The following AAK1 variants were observed in gnomAD, a reference collection of about 807,000 sequenced individuals.
AAK1 encodes the protein AP2-associated protein kinase 1.
AAK1 carries 37 observed loss-of-function variants against 116.0 expected under a neutral mutation model. The observed-to-expected ratio is 0.32, with a 90% CI of 0.25 to 0.42. The LOEUF (loss-of-function observed/expected upper bound fraction) is 0.42. AAK1 is among the 10% of genes least tolerant of loss of function. The pLI, the probability that AAK1 is intolerant of heterozygous loss-of-function variation, is 1.00. For missense variants in AAK1, 919 were observed against 1,170.6 expected, an observed-to-expected ratio of 0.79 and a Z score of 3.14; for synonymous variants, 458 against 439.9, an observed-to-expected ratio of 1.04 and a Z score of -0.51.
At chr2:69,522,143 T>C (rs891659024) in intron 10 of AAK1, among the ~76,000 whole-genome samples, 20 of 152,348 alleles carry the variant, frequency 1.3e-4, no homozygotes, top group Non-Finnish European at 1.9e-4. Context: ...AGCTAGCTAC[T>C]ACCTAACTCA....
At chr2:69,633,976 C>A (rs1675335573) in intron 2 of AAK1, among the ~76,000 whole-genome samples, 1 of 152,144 alleles carries the variant, frequency 6.6e-6, no homozygotes, top group South Asian at 2.1e-4. Flanking sequence ...TCAAGACCAG[C>A]CTGGCTAACA....
At chr2:69,606,475 A>G (rs1016231466) in intron 2 of AAK1, among the ~76,000 whole-genome samples, 16 of 152,208 alleles carry the variant, frequency 1.1e-4, no homozygotes, top group African/African-American at 3.9e-4. Context: ...CTGAGGATAC[A>G]CACAGCAACT....
In AAK1 at chr2:69,510,135, T is replaced by C. The variant is rs919935561; in HGVS notation, c.1777-675A>G. 5.3e-5 allele frequency among the ~76,000 whole-genome samples: 8 copies of C among 152,316 alleles called. No homozygotes were observed. The East Asian group carries it at 1.5e-3, about 29-fold the overall frequency. On this transcript the variant is annotated intron_variant, in intron 13 of 21. Coordinates refer to ENST00000409085, the MANE Select transcript of AAK1 (RefSeq NM_014911.5). ...TCACGGGGGTTTGTTGTACAGATTATTTTGTCACCAAGGTACTAAGCCTAG... is the reference window on the plus strand; with the variant it reads ...TCACGGGGGTTTGTTGTACAGATTACTTTGTCACCAAGGTACTAAGCCTAG...
chr2:69,518,966 G>A lies in AAK1; in HGVS notation c.1485C>T (p.Ala495=), dbSNP rs1676706012. ...CTGACCACCTTACCTGCTGAGTCTG[G>A]GCCTGCTGCTGCTGGTAAAACGTGC... ...PAGTFYQQQQ[A]QTQQFQAVHP... The change falls in exon 12 of 22, where the codon GCC becomes GCT. Residue 495 remains alanine, a synonymous_variant. Transcript: ENST00000409085. 1.3e-6 allele frequency: 2 copies of A among 1,547,408 alleles called. No homozygotes were observed. Among genetic ancestry groups the A allele is most frequent in the Non-Finnish European group, 1.7e-6 (2 of 1,145,676 alleles).
chr2:69,490,862 T>C (rs973993789), intron 17 of AAK1, among the ~76,000 whole-genome samples: 15 of 152,108 alleles, frequency 9.9e-5, no homozygotes, highest in African/African-American at 3.4e-4. Flanking sequence ...TTTAAAAATA[T>C]TGTCCCCAGT....
At chr2:69,515,792 T>G (rs2312210) in intron 12 of AAK1, among the ~76,000 whole-genome samples, 2 of 151,964 alleles carry the variant, frequency 1.3e-5, no homozygotes, top group Non-Finnish European at 2.9e-5. Flanking sequence ...GAGGATACTG[T>G]TTGTCTACTG....
Position 69,471,287 on chromosome 2 carries a change from G to A in AAK1, c.*4582C>T, listed in dbSNP as rs1052407733. The A allele has an allele frequency of 8.1e-6, 8 of 985,244 alleles. No homozygotes were observed. Among genetic ancestry groups the A allele is most frequent in the Non-Finnish European group, 8.4e-6 (7 of 829,928 alleles). The allele number at this position is 985,244 out of a possible 1,614,324, so 61.0% of individuals were successfully genotyped here. A position where few individuals can be genotyped will look rare whatever the true frequency, so the allele number is the denominator to read the frequency against. On this transcript the variant is annotated 3_prime_UTR_variant, in exon 22 of 22. Coordinates refer to ENST00000409085, the MANE Select transcript of AAK1 (RefSeq NM_014911.5). The stretch of plus-strand genomic sequence containing the variant: ...ATTACCCAAGGAGCCTCCCTATCCC[G>A]TATTAGTGAAAGGAAATCTGGGAGA...
intron 2 of AAK1, among the ~76,000 whole-genome samples, chr2:69,614,300 G>A (rs1342271889): frequency 1.3e-5 from 2 of 152,196 alleles, no homozygotes; most frequent in Non-Finnish European, 2.9e-5. Context: ...AGAAAGGGAA[G>A]AGGAAAGGCT....
At chr2:69,543,874 T>C (rs868015224) in intron 4 of AAK1, among the ~76,000 whole-genome samples, 1 of 152,212 alleles carries the variant, frequency 6.6e-6, no homozygotes, top group South Asian at 2.1e-4. Context: ...TTTCCCAAGA[T>C]AAATGTTTTT....
chr2:69,614,848 C>T (rs1252706597), intron 2 of AAK1, among the ~76,000 whole-genome samples: 4 of 152,138 alleles, frequency 2.6e-5, no homozygotes, highest in Admixed American at 2.6e-4. Context: ...GAGACAGGGA[C>T]TGGAGTGATG....
intron 13 of AAK1, among the ~76,000 whole-genome samples, chr2:69,510,401 A>G (rs1355266931): frequency 6.6e-6 from 1 of 152,224 alleles, no homozygotes. Flanking sequence ...ATGGCTGCAT[A>G]GTATTCCATG....
At chr2:69,590,167 G>A (rs1227330828) in intron 2 of AAK1, among the ~76,000 whole-genome samples, 2 of 152,140 alleles carry the variant, frequency 1.3e-5, no homozygotes, top group Non-Finnish European at 2.9e-5. Flanking sequence ...AACACATCAT[G>A]TCATTCTCTA....
chr2:69,628,753 AC>A (rs1675027978), intron 2 of AAK1, among the ~76,000 whole-genome samples: 1 of 152,220 alleles, frequency 6.6e-6, no homozygotes, highest in South Asian at 2.1e-4. Flanking sequence ...TCTAAAATTA[AC>A]TTTTTTCAAG....
At chr2:69,596,978 T>A (rs1673325136) in intron 2 of AAK1, among the ~76,000 whole-genome samples, 1 of 151,778 alleles carries the variant, frequency 6.6e-6, no homozygotes, top group South Asian at 2.1e-4. Context: ...GTGGCTGTTT[T>A]GTTGGGAAAA....
chr2:69,617,110 A>G (rs996051723), intron 2 of AAK1, among the ~76,000 whole-genome samples: 1 of 152,198 alleles, frequency 6.6e-6, no homozygotes, highest in Non-Finnish European at 1.5e-5. Flanking sequence ...CAAGCAGAAC[A>G]GAGCCTCCCT....
At position 69,475,716 on chromosome 2, in the gene AAK1, T is replaced by C. The variant is rs765202372; in HGVS notation, c.*153A>G. ...CCAAAGTGATTTTCTTTCCTTATCATTTCTACAGGAGAAGGCAAGGGGTAG... is the reference window on the plus strand; with the variant it reads ...CCAAAGTGATTTTCTTTCCTTATCACTTCTACAGGAGAAGGCAAGGGGTAG... On this transcript the variant is annotated 3_prime_UTR_variant, in exon 22 of 22. Coordinates refer to ENST00000409085, the MANE Select transcript of AAK1 (RefSeq NM_014911.5). 1.2e-4 allele frequency: 165 copies of C among 1,403,512 alleles called. 1 individual carries two copies. The highest frequency in any genetic ancestry group is 1.4e-4 in the Non-Finnish European group (151 of 1,078,958). The allele number at this position is 1,403,512 out of a possible 1,614,324, so 86.9% of individuals were successfully genotyped here. A position where few individuals can be genotyped will look rare whatever the true frequency, so the allele number is the denominator to read the frequency against.
intron 3 of AAK1, among the ~76,000 whole-genome samples, chr2:69,550,052 T>C (rs1671110422): frequency 6.6e-6 from 1 of 152,234 alleles, no homozygotes; most frequent in Non-Finnish European, 1.5e-5. Flanking sequence ...TCAAACCACT[T>C]ATCAGAAACC....
intron 2 of AAK1, 57 bp downstream of exon 2, chr2:69,642,821 C>T (rs1028547519): frequency 9.3e-6 from 15 of 1,609,388 alleles, no homozygotes; most frequent in Non-Finnish European, 1.3e-5. Context: ...CTAGAAACCA[C>T]AGTATTGCCG....
chr2:69,630,034 C>A (rs955945939), intron 2 of AAK1, among the ~76,000 whole-genome samples: 2 of 152,032 alleles, frequency 1.3e-5, no homozygotes, highest in Admixed American at 1.3e-4. Flanking sequence ...GAGTAAAGAA[C>A]TGGAAAGAAC....
Sources: allele counts gnomAD v4.1 joint callset (sites outside exome capture counted in the v4.1 genomes callset), GRCh38; gene constraint gnomAD v4.1.1; transcripts MANE v1.5; gene names NCBI Gene and HGNC (gene_info 2026-07-23, HGNC 2026-07-21).